NIPA1: variants seen among roughly 807,000 people sequenced by gnomAD.
The protein encoded by NIPA1 is NIPA magnesium transporter 1.
Under a neutral mutation model 23.9 loss-of-function variants are expected in NIPA1, and 13 were observed. The observed-to-expected ratio is 0.54, with a 90% confidence interval of 0.35 to 0.87. NIPA1 has a LOEUF of 0.87. Among genes scored for constraint, NIPA1 ranks in the 40% least tolerant of loss-of-function variants. The pLI is 0.01. For missense variants in NIPA1, 362 were observed against 429.7 expected, an observed-to-expected ratio of 0.84 and a Z score of 1.39; for synonymous variants, 234 against 202.9, an observed-to-expected ratio of 1.15 and a Z score of -1.30.
chr15:22,822,632 C>G (rs928675642), intron 4 of NIPA1, among the ~76,000 whole-genome samples: 4 of 152,138 alleles, frequency 2.6e-5, no homozygotes, highest in African/African-American at 9.7e-5. Context: ...AGTTCGAGAC[C>G]AGCCTGGCCA....
intron 3 of NIPA1, among the ~76,000 whole-genome samples, chr15:22,818,804 G>A (rs925842114): frequency 2.0e-5 from 3 of 152,040 alleles, no homozygotes; most frequent in South Asian, 2.1e-4. Context: ...CTCAATAAAT[G>A]AATGAATGAA....
intron 1 of NIPA1, among the ~76,000 whole-genome samples, chr15:22,796,276 C>T (rs1894936978): frequency 6.6e-6 from 1 of 151,960 alleles, no homozygotes; most frequent in Non-Finnish European, 1.5e-5. Flanking sequence ...AAAGGCTGTA[C>T]TCTGATGCTG....
rs1336302396 is a variant in NIPA1 at position 22,826,434 on chromosome 15, G to GTATCAATAT, written c.*2196_*2204dup. On this transcript the variant is annotated 3_prime_UTR_variant, in exon 5 of 5. Transcript: ENST00000337435. ...AACTTTCTGAAAACGTAATGTAGCA[G>GTATCAATAT]TATCAATATACTTTTGGGCATAAAA... The GTATCAATAT allele has an allele frequency of 1.3e-5, 2 of 152,160 alleles. No homozygotes were observed. The highest frequency in any genetic ancestry group is 4.1e-4 in the South Asian group (2 of 4,826). 9.4% of individuals were successfully genotyped at this position (152,160 alleles called of 1,614,324 possible).
At chr15:22,807,669 C>T (rs1440183336) in intron 1 of NIPA1, among the ~76,000 whole-genome samples, 1 of 152,036 alleles carries the variant, frequency 6.6e-6, no homozygotes, top group Admixed American at 6.6e-5. Flanking sequence ...ATTGACAAAC[C>T]TTTAGCTAGA....
chr15:22,810,023 G>T (rs1191681213), intron 1 of NIPA1, among the ~76,000 whole-genome samples: 9 of 150,500 alleles, frequency 6.0e-5, no homozygotes, highest in Non-Finnish European at 1.2e-4. Flanking sequence ...TCCAGCCTGG[G>T]CAACAAGAGT....
intron 1 of NIPA1, among the ~76,000 whole-genome samples, chr15:22,790,382 T>C (rs1894802211): frequency 6.6e-6 from 1 of 151,896 alleles, no homozygotes; most frequent in African/African-American, 2.4e-5. Flanking sequence ...AGTCTCGATC[T>C]CCTGACCTTG....
intron 3 of NIPA1, among the ~76,000 whole-genome samples, chr15:22,817,733 A>G (rs1895455683): frequency 1.3e-5 from 2 of 151,980 alleles, no homozygotes; most frequent in South Asian, 4.2e-4. Flanking sequence ...TGAACCCGGG[A>G]GGCGGAGCTT....
At chr15:22,812,028 C>T in intron 2 of NIPA1, 135 bp from the exon 3 acceptor site, 1 of 736,500 alleles carries the variant, frequency 1.4e-6, no homozygotes, top group South Asian at 1.5e-5. Flanking sequence ...GCAGATGACA[C>T]CCCAGATGTG....
intron 2 of NIPA1, 144 bp downstream of exon 2, chr15:22,810,940 C>G: frequency 1.4e-6 from 1 of 736,258 alleles, no homozygotes; most frequent in Admixed American, 1.9e-5. Context: ...CCTAAGCGTG[C>G]CTTTCAGTTC....
chr15:22,789,481 G>A (rs1430441764), intron 1 of NIPA1, among the ~76,000 whole-genome samples: 1 of 152,138 alleles, frequency 6.6e-6, no homozygotes, highest in African/African-American at 2.4e-5. Flanking sequence ...ACCCATCAAG[G>A]TGAGCTGAGA....
chr15:22,793,990 C>T (rs1178211799), intron 1 of NIPA1, among the ~76,000 whole-genome samples: 1 of 152,050 alleles, frequency 6.6e-6, no homozygotes, highest in Admixed American at 6.6e-5. Flanking sequence ...GTTTTGAAGT[C>T]AGGAGGTGTG....
In NIPA1 at chr15:22,828,023, A is replaced by C. The variant is rs1407997856; in HGVS notation, c.*3784A>C. The C allele has an allele frequency of 6.6e-6, 1 of 152,374 alleles. No homozygotes were observed. Among genetic ancestry groups the C allele is most frequent in the Non-Finnish European group, 1.5e-5 (1 of 68,030 alleles). 9.4% of individuals were successfully genotyped at this position (152,374 alleles called of 1,614,324 possible). On this transcript the variant is annotated 3_prime_UTR_variant, in exon 5 of 5. Transcript: ENST00000337435. ...TGCTGACTTAGGCTTCCTGCCACCA[A>C]GCAGGAAACTAGAAAGAGAACATTT...
rs553968914 is a variant in NIPA1 at position 22,824,443 on chromosome 15, G to A, written c.*204G>A. On this transcript the variant is annotated 3_prime_UTR_variant, in exon 5 of 5. Coordinates refer to ENST00000337435, the MANE Select transcript of NIPA1 (RefSeq NM_144599.5). The surrounding 1 kb of genome is among the most constrained non-coding windows in gnomAD (Gnocchi z 4.1). ...CTCTGCAGCCCAAACGTCCCCAACGGTTGCCTGGCACCATCTCTCTCTGAT... is the reference window on the plus strand; with the variant it reads ...CTCTGCAGCCCAAACGTCCCCAACGATTGCCTGGCACCATCTCTCTCTGAT... The A allele has an allele frequency of 5.7e-5, 34 of 592,558 alleles. No individual in the cohort carries two copies. Among genetic ancestry groups the A allele is most frequent in the Non-Finnish European group, 9.7e-5 (32 of 330,700 alleles). The allele number at this position is 592,558 out of a possible 1,614,324, so 36.7% of individuals were successfully genotyped here. A position where few individuals can be genotyped will look rare whatever the true frequency, so the allele number is the denominator to read the frequency against.
At chr15:22,809,932 A>T (rs1227999926) in intron 1 of NIPA1, among the ~76,000 whole-genome samples, 1 of 152,128 alleles carries the variant, frequency 6.6e-6, no homozygotes, top group Non-Finnish European at 1.5e-5. Flanking sequence ...AATCCCAGCT[A>T]CTAGGGAGGG....
intron 1 of NIPA1, among the ~76,000 whole-genome samples, chr15:22,805,351 G>A (rs377527599): frequency 3.3e-5 from 5 of 152,208 alleles, no homozygotes; most frequent in Admixed American, 2.0e-4. Flanking sequence ...TGGCTGTGCC[G>A]GTGTCAGGAA....
rs368976230 is a variant in NIPA1, at chr15:22,823,714, T to A, written c.479-14T>A. 2.5e-5 allele frequency: 40 copies of A among 1,597,930 alleles called. No individual in the cohort carries two copies. The highest frequency in any genetic ancestry group is 3.5e-4 in the Middle Eastern group (2 of 5,704). On this transcript the variant is annotated splice_polypyrimidine_tract_variant and intron_variant, in intron 4 of 4. Coordinates refer to ENST00000337435, the MANE Select transcript of NIPA1 (RefSeq NM_144599.5). ...GCGGTGGCTCCGGGTGACTGTGTGC[T>A]GTCTGTGTTCCAGTGTTTGTGGGCT...
Position 22,786,723 on chromosome 15 carries a change from C to T in NIPA1, c.67C>T (p.Pro23Ser), listed in dbSNP as rs1404917638. ...GGCGGCCGGGGAGGGGGCGCGTAGC[C>T]CGAGCCCCGCCGCCGTGTCGCTCGG... Reference protein sequence around the residue: ...AAAAGEGARSPSPAAVSLGLG... With the variant: ...AAAAGEGARSSSPAAVSLGLG... Residue 23 changes from proline (P) to serine (S), a missense_variant, in exon 1 of 5, where the codon CCG (proline) becomes TCG (serine). Physicochemically the swap from Pro to Ser is moderately conservative, Grantham distance 74. Around this residue, in one of 2 missense-constraint regions of NIPA1, gnomAD observed 85 missense variants for 57.7 expected, o/e 1.47. Transcript: ENST00000337435. 5 of 1,229,146 alleles carry T rather than the reference C, an allele frequency of 4.1e-6. No homozygotes were observed. Among genetic ancestry groups the T allele is most frequent in the Admixed American group, 2.7e-5 (1 of 36,848 alleles). The allele number at this position is 1,229,146 out of a possible 1,614,324, so 76.1% of individuals were successfully genotyped here.
intron 1 of NIPA1, among the ~76,000 whole-genome samples, chr15:22,791,907 A>G (rs1595629730): frequency 6.6e-6 from 1 of 152,126 alleles, no homozygotes; most frequent in East Asian, 1.9e-4. Context: ...GACATAGTCC[A>G]GGGAGCGTCC....
At chr15:22,822,929 T>C (rs1348598795) in intron 4 of NIPA1, among the ~76,000 whole-genome samples, 1 of 137,376 alleles carries the variant, frequency 7.3e-6, no homozygotes, top group Admixed American at 7.0e-5. Context: ...TTTTTTTTTT[T>C]TTTTTTTGAG....
Sources: allele counts gnomAD v4.1 joint callset (sites outside exome capture counted in the v4.1 genomes callset), GRCh38; gene constraint gnomAD v4.1.1; regional missense constraint gnomAD v4.1.1; non-coding constraint Gnocchi (gnomAD v3.1); transcripts MANE v1.5; gene names NCBI Gene and HGNC (gene_info 2026-07-23, HGNC 2026-07-21).